PCDHGA6: variants seen among roughly 807,000 people sequenced by gnomAD.
PCDHGA6 encodes the protein protocadherin gamma-A6.
PCDHGA6 carries 41 observed loss-of-function variants against 60.6 expected under a neutral mutation model. The observed-to-expected ratio is 0.68, with a 90% CI of 0.53 to 0.88. The LOEUF (loss-of-function observed/expected upper bound fraction) is 0.88. Ranked by LOEUF, PCDHGA6 falls within the 40% of genes least tolerant of loss-of-function variation. The pLI, the probability that PCDHGA6 is intolerant of heterozygous loss-of-function variation, is 0.00. For synonymous variants in PCDHGA6, 594 were observed against 524.4 expected (o/e 1.13, Z -1.81); for missense variants, 1,312 against 1,203.0 (o/e 1.09, Z -1.34).
chr5:141,489,268 G>C lies in PCDHGA6; in HGVS notation c.2425-5539G>C. 6.4e-7 allele frequency: 1 copy of C among 1,553,286 alleles called. No individual in the cohort carries two copies. The highest frequency in any genetic ancestry group is 8.7e-7 in the Non-Finnish European group (1 of 1,149,780). ...GGGGCCCAAGACACTCCCACAGCTC[G>C]CTGGGAAATGGCAAGTGCTGTGCAT... On this transcript the variant is annotated intron_variant, in intron 1 of 3. Transcript: ENST00000517434. The surrounding 1 kb of genome is among the most constrained non-coding windows in gnomAD (Gnocchi z 4.5).
Position 141,432,731 on chromosome 5 carries a change from G to C in PCDHGA6, c.2424+56224G>C, listed in dbSNP as rs1244820860. On this transcript the variant is annotated intron_variant, in intron 1 of 3. Coordinates refer to ENST00000517434, the MANE Select transcript of PCDHGA6 (RefSeq NM_018919.3). This position sits in a 1 kb window ranked among gnomAD's most constrained non-coding sequence, Gnocchi z 6.0. ...CGGCCAGCCCCCTCTCTCCGCCACT[G>C]TCACGCTCACCGTGGCCGTGGCCGA... The C allele has an allele frequency of 6.2e-7, 1 of 1,614,068 alleles. No homozygotes were observed.
intron 3 of PCDHGA6, 157 bp downstream of exon 3, chr5:141,505,638 T>C: frequency 1.0e-6 from 1 of 968,044 alleles, no homozygotes; most frequent in Non-Finnish European, 1.2e-6. Context: ...ACATAAAGCC[T>C]GGAATTGTGG....
Position 141,375,630 on chromosome 5 carries a change from C to T in PCDHGA6, c.1547C>T (p.Ala516Val), listed in dbSNP as rs1162494057. Residue 516 changes from alanine (A) to valine (V), a missense_variant, in exon 1 of 4, where the codon GCC (alanine) becomes GTC (valine). Ala to Val is a moderately conservative substitution (Grantham distance 64, BLOSUM62 0). Transcript: ENST00000517434. ...SINSDTGILY[A>V]LRSFDYEQLR... is the part of the protein sequence containing the mutation. ...AACTCCGACACTGGGATTCTGTACG[C>T]CCTGCGCTCCTTCGACTATGAGCAG... 2 of 1,614,246 alleles carry T rather than the reference C, an allele frequency of 1.2e-6. No individual in the cohort carries two copies. The highest frequency in any genetic ancestry group is 1.7e-6 in the Non-Finnish European group (2 of 1,180,048).
At chr5:141,505,536 C>T (rs749205049) in intron 3 of PCDHGA6, 55 bp downstream of exon 3, 9 of 1,610,164 alleles carry the variant, frequency 5.6e-6, no homozygotes, top group Non-Finnish European at 7.6e-6. Context: ...TTCTGGGGTG[C>T]ATCTCACAGC....
rs1205836590 is a variant in PCDHGA6 at position 141,476,270 on chromosome 5, G to A, written c.2425-18537G>A. The A allele has an allele frequency of 6.2e-7, 1 of 1,614,088 alleles. No individual in the cohort carries two copies. Among genetic ancestry groups the A allele is most frequent in the Admixed American group, 1.7e-5 (1 of 60,026 alleles). Reference sequence around the variant, plus strand: ...GGGTTTCGCTGTGGGCAACGTGGTCGCGAACCTTGGTTTGGATCTCGGTAG... The same window carrying A: ...GGGTTTCGCTGTGGGCAACGTGGTCACGAACCTTGGTTTGGATCTCGGTAG... On this transcript the variant is annotated intron_variant, in intron 1 of 3. Transcript: ENST00000517434. The surrounding 1 kb of genome is among the most constrained non-coding windows in gnomAD (Gnocchi z 7.6).
At chr5:141,377,605 C>T (rs572021306) in intron 1 of PCDHGA6, 1 of 140,680 alleles carries the variant, frequency 7.1e-6, no homozygotes, top group Admixed American at 7.1e-5. Context: ...CTCTCTCTCT[C>T]AAAAAAAAAA....
At chr5:141,498,973 GA>G (rs1161965842) in intron 2 of PCDHGA6, among the ~76,000 whole-genome samples, 8 of 11,660 alleles carry the variant, frequency 6.9e-4, no homozygotes, top group Admixed American at 4.8e-3. Flanking sequence ...GGGAGGGAGG[GA>G]AGGAAGGAAG....
intron 1 of PCDHGA6, among the ~76,000 whole-genome samples, chr5:141,473,922 A>T (rs1025156251): frequency 2.0e-5 from 3 of 152,182 alleles, no homozygotes; most frequent in South Asian, 2.1e-4. Flanking sequence ...GAAAACTATG[A>T]GCTGGGTGCA....
chr5:141,394,746 G>A (rs1380467870), intron 1 of PCDHGA6: 3 of 1,613,418 alleles, frequency 1.9e-6, no homozygotes. Flanking sequence ...CCTCGTGGTG[G>A]CCGTCCAGGA....
chr5:141,379,268 T>C (rs1775481611), intron 1 of PCDHGA6: 1 of 152,258 alleles, frequency 6.6e-6, no homozygotes, highest in Non-Finnish European at 1.5e-5. Flanking sequence ...GGAATTGTTA[T>C]AGATTTATTT....
chr5:141,449,528 G>C (rs1298713821), intron 1 of PCDHGA6, among the ~76,000 whole-genome samples: 1 of 149,040 alleles, frequency 6.7e-6, no homozygotes, highest in African/African-American at 2.5e-5. Context: ...GGCGGAGGTT[G>C]CAGTGAGCCG....
chr5:141,394,066 A>T (rs1589216611), intron 1 of PCDHGA6: 1 of 1,613,738 alleles, frequency 6.2e-7, no homozygotes, highest in Admixed American at 1.7e-5. Context: ...GTCTCTATCT[A>T]CAATATCACA....
rs1290682140 is a variant in PCDHGA6 at position 141,431,692 on chromosome 5, G to A, written c.2424+55185G>A. 1 of 1,614,132 alleles carries A rather than the reference G, an allele frequency of 6.2e-7. No homozygotes were observed. The highest frequency in any genetic ancestry group is 2.2e-5 in the East Asian group (1 of 44,888). On this transcript the variant is annotated intron_variant, in intron 1 of 3. Transcript: ENST00000517434. The surrounding 1 kb of genome is among the most constrained non-coding windows in gnomAD (Gnocchi z 4.8). The stretch of plus-strand genomic sequence containing the variant: ...CAATAGGGGAGTTGGACCACGAGGA[G>A]TCAGGATTCTACCAGATGGAAGTGC...
intron 1 of PCDHGA6, chr5:141,478,429 G>C: frequency 6.2e-7 from 1 of 1,613,674 alleles, no homozygotes; most frequent in Non-Finnish European, 8.5e-7. Flanking sequence ...GCAGCGACCC[G>C]CTGCTGAAGA....
intron 1 of PCDHGA6, chr5:141,383,733 A>G (rs770047743): frequency 6.8e-6 from 11 of 1,613,886 alleles, no homozygotes; most frequent in South Asian, 6.6e-5. Flanking sequence ...GGGAAGTGAC[A>G]TATTCTTTTC....
intron 1 of PCDHGA6, among the ~76,000 whole-genome samples, chr5:141,407,505 T>TTTTTTTTTTTTTTTTTTTTTTTGAG (rs1460306566): frequency 6.6e-6 from 1 of 152,146 alleles, no homozygotes; most frequent in Non-Finnish European, 1.5e-5. Context: ...CTGTTTTTCT[T>TTTTTTTTTTTTTTTTTTTTTTTGAG]AGGCTATGTA....
chr5:141,410,246 TCTGACCCCCAGG>T (rs2095371499), intron 1 of PCDHGA6: 2 of 1,614,004 alleles, frequency 1.2e-6, no homozygotes, highest in Admixed American at 3.3e-5. Flanking sequence ...CCCTGTACTC[TCTGACCCCCAGG>T]CTGAACTGCA....
At chr5:141,414,083 G>C (rs964114178) in intron 1 of PCDHGA6, 1 of 1,601,124 alleles carries the variant, frequency 6.2e-7, no homozygotes, top group Non-Finnish European at 8.5e-7. Context: ...AAATATACTG[G>C]AGAAATAAAA....
At position 141,384,652 on chromosome 5, in the gene PCDHGA6, G is replaced by A. The variant is rs372721131; in HGVS notation, c.2424+8145G>A. ...GCTGGCACCCCGCTCCGCAGAGCCC[G>A]GCTACCTGGTGACCAAGGTGGTGGC... On this transcript the variant is annotated intron_variant, in intron 1 of 3. Coordinates refer to ENST00000517434, the MANE Select transcript of PCDHGA6 (RefSeq NM_018919.3). The A allele has an allele frequency of 7.4e-6, 12 of 1,614,110 alleles. No homozygotes were observed. The South Asian group carries it at 1.1e-4, about 15-fold the overall frequency.
Sources: allele counts gnomAD v4.1 joint callset (sites outside exome capture counted in the v4.1 genomes callset), GRCh38; gene constraint gnomAD v4.1.1; non-coding constraint Gnocchi (gnomAD v3.1); transcripts MANE v1.5; gene names NCBI Gene and HGNC (gene_info 2026-07-23, HGNC 2026-07-21).